The following PCDH11X variants were observed in gnomAD, a reference collection of about 807,000 sequenced individuals.
PCDH11X encodes protocadherin-11 X-linked.
In PCDH11X, 18 loss-of-function variants were observed where a neutral mutation model predicts 53.3. That is an observed-to-expected ratio of 0.34 (90% CI 0.23 to 0.50). The LOEUF (loss-of-function observed/expected upper bound fraction) is 0.50, where lower values mean the gene tolerates loss of function less well. Among genes scored for constraint, PCDH11X ranks in the 20% least tolerant of loss-of-function variants. The probability of loss-of-function intolerance (pLI) is 0.98; values close to 1 mark genes in which losing one functional copy is unlikely to be tolerated. For missense variants in PCDH11X, 570 were observed against 1,032.4 expected, an observed-to-expected ratio of 0.55 and a Z score of 6.14; for synonymous variants, 279 against 393.3, an observed-to-expected ratio of 0.71 and a Z score of 3.44.
chrX:92,017,818 A>C (rs372532091), intron 6 of PCDH11X, among the ~76,000 whole-genome samples: 3 of 103,204 alleles, frequency 2.9e-5, no homozygotes, highest in South Asian at 9.4e-4. Context: ...AAAATGAAAA[A>C]TGGCACCAGT....
intron 6 of PCDH11X, among the ~76,000 whole-genome samples, chrX:92,091,994 A>G (rs896662093): frequency 5.6e-4 from 62 of 111,645 alleles, no homozygotes; most frequent in African/African-American, 1.9e-3. Flanking sequence ...AAGATATGGC[A>G]AGGAAATATA....
chrX:91,806,219 A>T (rs936574693), intron 1 of PCDH11X, among the ~76,000 whole-genome samples: 4 of 114,125 alleles, frequency 3.5e-5, no homozygotes, highest in Non-Finnish European at 5.6e-5. Flanking sequence ...ACTTGCTAGA[A>T]TAAAAAAAAA....
At chrX:91,903,803 G>A (rs1474154965) in intron 6 of PCDH11X, among the ~76,000 whole-genome samples, 1 of 110,338 alleles carries the variant, frequency 9.1e-6, no homozygotes, top group East Asian at 2.8e-4. Flanking sequence ...AATCAGCTAG[G>A]AGAACCAGAA....
intron 6 of PCDH11X, among the ~76,000 whole-genome samples, chrX:92,148,096 TTC>T (rs1160288901): frequency 3.3e-3 from 76 of 22,891 alleles, no homozygotes; most frequent in Non-Finnish European, 4.8e-3. Flanking sequence ...CTTTCTTTCT[TTC>T]TTTCTTTCTT....
At chrX:92,514,816 G>A (rs1174879656) in intron 10 of PCDH11X, among the ~76,000 whole-genome samples, 2 of 108,841 alleles carry the variant, frequency 1.8e-5, no homozygotes, top group African/African-American at 6.7e-5. Flanking sequence ...GGGAGGCCGA[G>A]GCAGGCAGAT....
chrX:92,398,963 C>T (rs1481173028), intron 9 of PCDH11X, among the ~76,000 whole-genome samples: 1 of 110,320 alleles, frequency 9.1e-6, no homozygotes, highest in African/African-American at 3.3e-5. Flanking sequence ...GAGGCTGAGG[C>T]GGGCGGATCA....
rs754961137 is a variant in PCDH11X at position 92,618,287 on chromosome X, A to G, written c.3391A>G (p.Thr1131Ala). Residue 1131 changes from threonine (T) to alanine (A), a missense_variant, in exon 11 of 11, where the codon ACT becomes GCT. This residue lies in a region of PCDH11X where 234 missense variants were observed against 296.1 expected (regional missense o/e 0.79). Transcript: ENST00000682573. ...AGCTGCAGAAATAACTGTTCAACCA[A>G]CTGTGGAAGAGGCCTCTGACAACTG... ...KKAAEITVQPTVEEASDNCTQ... is the reference protein window; with the variant it reads ...KKAAEITVQPAVEEASDNCTQ... 13 of 1,205,464 alleles carry G rather than the reference A, an allele frequency of 1.1e-5. No individual in the cohort carries two copies. Among genetic ancestry groups the G allele is most frequent in the Middle Eastern group, 2.3e-4 (1 of 4,340 alleles).
intron 6 of PCDH11X, among the ~76,000 whole-genome samples, chrX:91,977,089 G>A (rs1332537826): frequency 9.0e-6 from 1 of 111,220 alleles, no homozygotes; most frequent in Non-Finnish European, 1.9e-5. Flanking sequence ...TAGACACCAT[G>A]TCTGCATCCT....
intron 4 of PCDH11X, among the ~76,000 whole-genome samples, chrX:91,819,377 G>A (rs1164186206): frequency 1.8e-5 from 2 of 110,154 alleles, no homozygotes; most frequent in Admixed American, 9.7e-5. Flanking sequence ...TTGAAAAACT[G>A]ATTTCCTAAG....
chrX:92,113,349 C>T, intron 6 of PCDH11X: 1 of 1,198,481 alleles, frequency 8.3e-7, no homozygotes, highest in Admixed American at 2.2e-5. Flanking sequence ...TGTTAATAGC[C>T]ACATCTTTAC....
chrX:92,433,699 ATAT>A (rs1282739038), intron 9 of PCDH11X, among the ~76,000 whole-genome samples: 2 of 111,640 alleles, frequency 1.8e-5, no homozygotes, highest in Admixed American at 9.5e-5. Context: ...TATAAAATGG[ATAT>A]AACAGAGGGT....
chrX:91,982,441 A>G (rs2062154873), intron 6 of PCDH11X, among the ~76,000 whole-genome samples: 2 of 109,457 alleles, frequency 1.8e-5, no homozygotes, highest in Admixed American at 2.0e-4. Flanking sequence ...AAGTTCCCCC[A>G]AGTCTACCAC....
At chrX:92,580,962 G>T (rs1923613466) in intron 10 of PCDH11X, among the ~76,000 whole-genome samples, 1 of 110,196 alleles carries the variant, frequency 9.1e-6, no homozygotes, top group Non-Finnish European at 1.9e-5. Flanking sequence ...GTCAGTCCCA[G>T]TGAGAGAACC....
chrX:92,167,911 A>G (rs1410499134), intron 6 of PCDH11X, among the ~76,000 whole-genome samples: 8 of 110,215 alleles, frequency 7.3e-5, no homozygotes, highest in Non-Finnish European at 7.6e-5. Context: ...AGCCTTGCTG[A>G]TATGAGAAGT....
chrX:92,204,360 C>A (rs1042702239), intron 7 of PCDH11X, among the ~76,000 whole-genome samples: 3 of 112,017 alleles, frequency 2.7e-5, no homozygotes, highest in Non-Finnish European at 3.8e-5. Flanking sequence ...TTAGAAATTT[C>A]TTCTGCCAGA....
chrX:92,581,098 G>T (rs1923635640), intron 10 of PCDH11X, among the ~76,000 whole-genome samples: 1 of 111,289 alleles, frequency 9.0e-6, no homozygotes, highest in African/African-American at 3.3e-5. Flanking sequence ...TTTTTAACAT[G>T]TTTCATTTTG....
intron 4 of PCDH11X, among the ~76,000 whole-genome samples, chrX:91,823,080 A>T (rs1348012125): frequency 9.3e-6 from 1 of 107,605 alleles, no homozygotes; most frequent in Non-Finnish European, 1.9e-5. Flanking sequence ...TGCTGAGGAG[A>T]GCTTTACTTC....
intron 1 of PCDH11X, among the ~76,000 whole-genome samples, chrX:91,795,201 A>G (rs1214972393): frequency 1.8e-5 from 2 of 112,043 alleles, no homozygotes; most frequent in East Asian, 5.6e-4. Flanking sequence ...GTAACTTAAA[A>G]CACAAATACT....
intron 6 of PCDH11X, among the ~76,000 whole-genome samples, chrX:92,012,099 C>T (rs943771797): frequency 1.8e-5 from 2 of 110,395 alleles, no homozygotes; most frequent in Admixed American, 9.8e-5. Context: ...ATCCTTTGTA[C>T]TTTAAAAACA....
Sources: allele counts gnomAD v4.1 joint callset (sites outside exome capture counted in the v4.1 genomes callset), GRCh38; gene constraint gnomAD v4.1.1; regional missense constraint gnomAD v4.1.1; transcripts MANE v1.5; gene names NCBI Gene and HGNC (gene_info 2026-07-23, HGNC 2026-07-21).